Variants in UBTD1 observed in about 807,000 individuals in gnomAD.
UBTD1 encodes the protein ubiquitin domain containing 1.
A neutral mutation model predicts 21.7 loss-of-function variants in UBTD1; 19 were observed. The ratio of observed to expected loss-of-function variants is 0.87; its 90% confidence interval spans 0.61 to 1.28. The LOEUF (loss-of-function observed/expected upper bound fraction) is 1.28, where lower values mean the gene tolerates loss of function less well. Ranked by LOEUF, UBTD1 falls within the 50% of genes most tolerant of loss-of-function variation. The pLI is 0.00. For synonymous variants in UBTD1, 116 were observed against 135.1 expected (o/e 0.86, Z 0.98); for missense variants, 282 against 315.1 (o/e 0.89, Z 0.80).
intron 1 of UBTD1, among the ~76,000 whole-genome samples, chr10:97,535,331 C>A (rs2040554868): frequency 6.6e-6 from 1 of 152,204 alleles, no homozygotes; most frequent in Non-Finnish European, 1.5e-5. Flanking sequence ...AAAAAAATTA[C>A]TTGGCCTGGT....
At chr10:97,528,066 T>C (rs7893588) in intron 1 of UBTD1, among the ~76,000 whole-genome samples, 114,675 of 126,768 alleles carry the variant, frequency 0.9, 52,619 homozygotes, top group East Asian at 0.98. Context: ...GGCGGCTGGC[T>C]GGGCGGGGGG....
intron 1 of UBTD1, among the ~76,000 whole-genome samples, chr10:97,533,427 T>A (rs572265628): frequency 6.6e-6 from 1 of 152,344 alleles, no homozygotes; most frequent in East Asian, 1.9e-4. Context: ...TGCTTTCTCC[T>A]GGGTTTCAGC....
At chr10:97,507,114 A>G (rs1274254372) in intron 1 of UBTD1, among the ~76,000 whole-genome samples, 4 of 152,204 alleles carry the variant, frequency 2.6e-5, no homozygotes, top group Admixed American at 2.6e-4. Flanking sequence ...CACTTTCCTC[A>G]GCAGCTGCAC....
intron 1 of UBTD1, among the ~76,000 whole-genome samples, 155 bp downstream of exon 1, chr10:97,499,428 C>A (rs1396884299): frequency 6.6e-6 from 1 of 152,248 alleles, no homozygotes; most frequent in Admixed American, 6.5e-5. Context: ...CTCCCCAGCG[C>A]CGGGCGGCCG....
At chr10:97,563,748 T>G (rs540382871) in intron 1 of UBTD1, among the ~76,000 whole-genome samples, 2 of 152,162 alleles carry the variant, frequency 1.3e-5, no homozygotes, top group East Asian at 3.9e-4. Context: ...GGGGTATGAC[T>G]AGACAGAAGA....
At chr10:97,562,878 C>T (rs748716890) in intron 1 of UBTD1, among the ~76,000 whole-genome samples, 7 of 151,954 alleles carry the variant, frequency 4.6e-5, no homozygotes, top group Non-Finnish European at 8.8e-5. Flanking sequence ...ATAAGAAAAA[C>T]AAAACAAAAT....
At chr10:97,553,246 C>T (rs566464811) in intron 1 of UBTD1, among the ~76,000 whole-genome samples, 1 of 152,342 alleles carries the variant, frequency 6.6e-6, no homozygotes, top group Non-Finnish European at 1.5e-5. Context: ...GTTCTCCTGC[C>T]TCAGCCTCCT....
At chr10:97,568,490 C>T (rs567914285) in intron 2 of UBTD1, among the ~76,000 whole-genome samples, 1 of 151,746 alleles carries the variant, frequency 6.6e-6, no homozygotes, top group South Asian at 2.1e-4. Flanking sequence ...GGTGGGATCT[C>T]GGTTCACTGC....
intron 1 of UBTD1, among the ~76,000 whole-genome samples, chr10:97,564,152 A>G (rs1008730333): frequency 6.6e-6 from 1 of 152,164 alleles, no homozygotes; most frequent in Non-Finnish European, 1.5e-5. Flanking sequence ...GGGTGTCTTC[A>G]TATGGCTGGG....
chr10:97,570,763 C>A lies in UBTD1; in HGVS notation c.*240C>A, dbSNP rs1003079447. 7.7e-6 allele frequency: 4 copies of A among 519,730 alleles called. No homozygotes were observed. The highest frequency in any genetic ancestry group is 1.9e-5 in the African/African-American group (1 of 52,986). 32.2% of individuals were successfully genotyped at this position (519,730 alleles called of 1,614,324 possible). ...GAGAAAAGGCGAACAGGGCCCTCAC[C>A]CTGCCTGTCTCCCGAAGCAGGTTCG... On this transcript the variant is annotated 3_prime_UTR_variant, in exon 3 of 3. Transcript: ENST00000370664. This position sits in a 1 kb window ranked among gnomAD's most constrained non-coding sequence, Gnocchi z 6.6.
At chr10:97,506,167 G>A (rs1463971556) in intron 1 of UBTD1, among the ~76,000 whole-genome samples, 2 of 152,196 alleles carry the variant, frequency 1.3e-5, no homozygotes, top group Non-Finnish European at 2.9e-5. Context: ...TGGGCAGAGG[G>A]AAATTGCTGG....
At chr10:97,502,089 C>G (rs983561998) in intron 1 of UBTD1, among the ~76,000 whole-genome samples, 9 of 152,162 alleles carry the variant, frequency 5.9e-5, no homozygotes, top group African/African-American at 1.9e-4. Flanking sequence ...ACATTCAGCA[C>G]TTAACACAAT....
chr10:97,570,264 C>T lies in UBTD1; in HGVS notation c.425C>T (p.Pro142Leu). ...EEESLEPPEP[P>L]PSVRREFPLK... The stretch of plus-strand genomic sequence containing the variant: ...GAGAGCCTGGAGCCCCCCGAGCCTC[C>T]ACCCAGCGTGCGCCGTGAGTTCCCG... Residue 142 changes from proline to leucine, a missense_variant, in exon 3 of 3, where the codon CCA (proline) becomes CTA (leucine). By Grantham distance (98) the Pro-to-Leu change is moderately conservative. Coordinates refer to ENST00000370664, the MANE Select transcript of UBTD1 (RefSeq NM_024954.5). The surrounding 1 kb of genome is among the most constrained non-coding windows in gnomAD (Gnocchi z 6.6). 1 of 1,613,274 alleles carries T rather than the reference C, an allele frequency of 6.2e-7. No homozygotes were observed.
chr10:97,556,272 A>G (rs1399724855), intron 1 of UBTD1, among the ~76,000 whole-genome samples: 1 of 152,140 alleles, frequency 6.6e-6, no homozygotes, highest in Admixed American at 6.6e-5. Context: ...GTTTTGTTAT[A>G]TCTTTAACTA....
intron 1 of UBTD1, among the ~76,000 whole-genome samples, chr10:97,549,765 A>G (rs1289429556): frequency 6.6e-6 from 1 of 152,226 alleles, no homozygotes; most frequent in Non-Finnish European, 1.5e-5. Flanking sequence ...TAAAGAGGCC[A>G]CCAAATCCCA....
chr10:97,533,805 C>T (rs1294054355), intron 1 of UBTD1, among the ~76,000 whole-genome samples: 1 of 151,958 alleles, frequency 6.6e-6, no homozygotes, highest in African/African-American at 2.4e-5. Context: ...GACCTGTAGT[C>T]CCAGCTTCTC....
In UBTD1 at chr10:97,551,676, G is replaced by A. The variant is rs542550769; in HGVS notation, c.71-16238G>A. On this transcript the variant is annotated intron_variant, in intron 1 of 2. Transcript: ENST00000370664. ...GTAACTGATATCCTACAGGGTATGGGCTTAGCAAGTCAGCACCACCGTCGG... is the reference window on the plus strand; with the variant it reads ...GTAACTGATATCCTACAGGGTATGGACTTAGCAAGTCAGCACCACCGTCGG... Among the ~76,000 whole-genome samples, 3 of 152,184 alleles carry A rather than the reference G, an allele frequency of 2.0e-5. No homozygotes were observed. The South Asian group carries it at 6.2e-4, about 32-fold the overall frequency.
intron 1 of UBTD1, among the ~76,000 whole-genome samples, chr10:97,517,959 C>T (rs925859630): frequency 2.6e-5 from 4 of 151,994 alleles, no homozygotes; most frequent in Non-Finnish European, 5.9e-5. Flanking sequence ...CCATAGGGGA[C>T]GTGGTTGAGT....
At chr10:97,502,809 A>G (rs577647061) in intron 1 of UBTD1, among the ~76,000 whole-genome samples, 2 of 124,124 alleles carry the variant, frequency 1.6e-5, no homozygotes, top group South Asian at 5.6e-4. Flanking sequence ...AAGTTTTGTG[A>G]TTGTCACTCA....
Sources: allele counts gnomAD v4.1 joint callset (sites outside exome capture counted in the v4.1 genomes callset), GRCh38; gene constraint gnomAD v4.1.1; non-coding constraint Gnocchi (gnomAD v3.1); transcripts MANE v1.5; gene names NCBI Gene and HGNC (gene_info 2026-07-23, HGNC 2026-07-21).